Variants in UNK observed in about 807,000 individuals in gnomAD.
UNK encodes the protein RING finger protein unkempt homolog.
In UNK, 32 loss-of-function variants were observed where a neutral mutation model predicts 97.6. That is an observed-to-expected ratio of 0.33 (90% CI 0.25 to 0.44). The LOEUF is 0.44. Ranked by LOEUF, UNK falls within the 20% of genes least tolerant of loss-of-function variation. The probability of loss-of-function intolerance (pLI) is 1.00; values close to 1 mark genes in which losing one functional copy is unlikely to be tolerated. For missense variants in UNK, 771 were observed against 1,098.4 expected, an observed-to-expected ratio of 0.70 and a Z score of 4.21; for synonymous variants, 441 against 461.2, an observed-to-expected ratio of 0.96 and a Z score of 0.56.
chr17:75,804,964 C>T (rs943960349), intron 1 of UNK, among the ~76,000 whole-genome samples: 3 of 151,934 alleles, frequency 2.0e-5, no homozygotes, highest in Non-Finnish European at 4.4e-5. Flanking sequence ...GAGGCTAAGG[C>T]GGGTGGATCA....
intron 2 of UNK, 25 bp downstream of exon 2, chr17:75,809,994 A>T (rs575958046): frequency 1.6e-5 from 26 of 1,611,696 alleles, no homozygotes; most frequent in Admixed American, 5.0e-5. Context: ...CTGTCCTCAG[A>T]GGAGCCCCGT....
intron 1 of UNK, among the ~76,000 whole-genome samples, chr17:75,792,886 G>T (rs754408602): frequency 6.6e-5 from 10 of 152,214 alleles, no homozygotes; most frequent in Non-Finnish European, 1.3e-4. Context: ...CATAGAGAGG[G>T]CTTCAAGCGC....
At chr17:75,803,693 C>G (rs1423131982) in intron 1 of UNK, among the ~76,000 whole-genome samples, 4 of 152,194 alleles carry the variant, frequency 2.6e-5, no homozygotes, top group Admixed American at 6.5e-5. Context: ...TGTGAATCAT[C>G]ATCAGTTCCA....
At chr17:75,794,731 G>T (rs897556227) in intron 1 of UNK, among the ~76,000 whole-genome samples, 30 of 152,094 alleles carry the variant, frequency 2.0e-4, no homozygotes, top group African/African-American at 7.2e-4. Flanking sequence ...GCCCAGCTCT[G>T]TCAGTTACTA....
At chr17:75,813,730 C>T (rs1389699374) in intron 5 of UNK, 31 bp from the exon 6 acceptor site, 1 of 1,541,084 alleles carries the variant, frequency 6.5e-7, no homozygotes, top group Admixed American at 2.0e-5. Flanking sequence ...CTTCTCCTTT[C>T]TCCATCTGAC....
intron 1 of UNK, 118 bp from the exon 2 acceptor site, chr17:75,809,642 A>T: frequency 9.1e-7 from 1 of 1,097,572 alleles, no homozygotes; most frequent in Non-Finnish European, 1.3e-6. Context: ...CTGGTGTTCC[A>T]GTGGAACTAG....
intron 1 of UNK, among the ~76,000 whole-genome samples, chr17:75,789,939 G>A (rs942385450): frequency 4.6e-5 from 7 of 151,794 alleles, no homozygotes; most frequent in South Asian, 2.1e-4. Flanking sequence ...TCAGGAGTTC[G>A]AGACCAGCCT....
Position 75,809,796 on chromosome 17 carries a change from C to G in UNK, c.141C>G (p.Leu47=). Residue 47 remains leucine, a synonymous_variant, in exon 2 of 16, where the codon CTC becomes CTG. Transcript: ENST00000589666. ...LKEFRTEQCP[L]FVQHKCTQHR... The stretch of plus-strand genomic sequence containing the variant: ...AATTCCGCACAGAGCAGTGCCCACT[C>G]TTTGTGCAACACAAATGCACGCAGC... The G allele has an allele frequency of 6.2e-7, 1 of 1,613,052 alleles. No homozygotes were observed. Among genetic ancestry groups the G allele is most frequent in the Non-Finnish European group, 8.5e-7 (1 of 1,179,522 alleles).
In UNK at chr17:75,824,449, C is replaced by A; in HGVS notation, c.*32C>A. On this transcript the variant is annotated 3_prime_UTR_variant, in exon 16 of 16. Coordinates refer to ENST00000589666, the MANE Select transcript of UNK (RefSeq NM_001080419.3). The surrounding 1 kb of genome is among the most constrained non-coding windows in gnomAD (Gnocchi z 4.9). ...AGGCCTGGCCCAGCCTGGCCCAGATCTTCTCACCTAGGACTTTTTAAAGTA... is the reference window on the plus strand; with the variant it reads ...AGGCCTGGCCCAGCCTGGCCCAGATATTCTCACCTAGGACTTTTTAAAGTA... 1 of 1,408,634 alleles carries A rather than the reference C, an allele frequency of 7.1e-7. No homozygotes were observed. The highest frequency in any genetic ancestry group is 9.2e-7 in the Non-Finnish European group (1 of 1,082,882). The allele number at this position is 1,408,634 out of a possible 1,614,324, so 87.3% of individuals were successfully genotyped here.
At chr17:75,803,751 G>A (rs536032897) in intron 1 of UNK, among the ~76,000 whole-genome samples, 119 of 152,286 alleles carry the variant, frequency 7.8e-4, no homozygotes, top group Middle Eastern at 3.4e-3. Flanking sequence ...GTGCCCTGCC[G>A]CGCAGTAGTT....
Position 75,818,226 on chromosome 17 carries a change from C to A in UNK, c.1371+58C>A. 6.3e-7 allele frequency: 1 copy of A among 1,595,134 alleles called. No homozygotes were observed. The highest frequency in any genetic ancestry group is 8.6e-7 in the Non-Finnish European group (1 of 1,166,136). ...GCTGTGGACAGGAGTGGCCCAGAAC[C>A]CCAGGAGGCTTCGGGGAGTGGGAGG... On this transcript the variant is annotated intron_variant, in intron 10 of 15. Transcript: ENST00000589666. This position sits in a 1 kb window ranked among gnomAD's most constrained non-coding sequence, Gnocchi z 5.1.
chr17:75,798,755 C>T (rs1014974368), intron 1 of UNK, among the ~76,000 whole-genome samples: 2 of 152,078 alleles, frequency 1.3e-5, no homozygotes, highest in African/African-American at 4.8e-5. Context: ...CCTGTAATCC[C>T]AGCACTTTGA....
chr17:75,824,386 A>G lies in UNK; in HGVS notation c.2402A>G (p.Gln801Arg), dbSNP rs575900350. 2.6e-6 allele frequency: 4 copies of G among 1,567,042 alleles called. No homozygotes were observed. Among genetic ancestry groups the G allele is most frequent in the Non-Finnish European group, 3.4e-6 (4 of 1,160,488 alleles). ...CAEGSECPIC[Q>R]PGRAHTLQS ...GAGGGCAGCGAGTGCCCCATCTGCC[A>G]GCCTGGCCGGGCCCACACCCTCCAG... Residue 801 changes from glutamine to arginine, a missense_variant, in exon 16 of 16, where the codon CAG becomes CGG. By Grantham distance (43) the Gln-to-Arg change is conservative (BLOSUM62 1). Coordinates refer to ENST00000589666, the MANE Select transcript of UNK (RefSeq NM_001080419.3). The surrounding 1 kb of genome is among the most constrained non-coding windows in gnomAD (Gnocchi z 4.9).
chr17:75,808,809 C>G (rs2143765432), intron 1 of UNK: 2 of 152,318 alleles, frequency 1.3e-5, no homozygotes. Flanking sequence ...GCAGGGGAGC[C>G]CAGTCTAGGA....
At chr17:75,801,846 C>A (rs1005986561) in intron 1 of UNK, among the ~76,000 whole-genome samples, 1 of 149,960 alleles carries the variant, frequency 6.7e-6, no homozygotes, top group Non-Finnish European at 1.5e-5. Flanking sequence ...CCCGGCTCCC[C>A]CCAGCCTTTT....
Position 75,824,152 on chromosome 17 carries a change from G to A in UNK, c.2278-110G>A, listed in dbSNP as rs1163442647. On this transcript the variant is annotated intron_variant, in intron 15 of 15. Coordinates refer to ENST00000589666, the MANE Select transcript of UNK (RefSeq NM_001080419.3). This position sits in a 1 kb window ranked among gnomAD's most constrained non-coding sequence, Gnocchi z 4.9. ...GGTCTGGGAGCACACTGTTGAGCTC[G>A]GTACCTCAGTTTTCCCATCCCAAGG... 2.2e-5 allele frequency: 29 copies of A among 1,324,536 alleles called. 1 individual carries two copies. Among genetic ancestry groups the A allele is most frequent in the Non-Finnish European group, 2.9e-5 (29 of 1,006,004 alleles). 82.0% of individuals were successfully genotyped at this position (1,324,536 alleles called of 1,614,324 possible). A position where few individuals can be genotyped will look rare whatever the true frequency, so the allele number is the denominator to read the frequency against.
intron 1 of UNK, among the ~76,000 whole-genome samples, chr17:75,807,699 C>T (rs1185048861): frequency 6.6e-6 from 1 of 152,118 alleles, no homozygotes; most frequent in East Asian, 1.9e-4. Context: ...GTGATCTGCC[C>T]GTCTTAGCCT....
rs1192429416 is a variant in UNK, at chr17:75,818,727, CT to C, written c.1458del (p.Ser487AlafsTer11). 10 of 1,613,368 alleles carry C rather than the reference CT, an allele frequency of 6.2e-6. No homozygotes were observed. The highest frequency in any genetic ancestry group is 1.7e-4 in the Middle Eastern group (1 of 6,056). On this transcript the variant is annotated frameshift_variant, in exon 11 of 16. Transcript: ENST00000589666. LOFTEE classifies it high-confidence loss of function. This position sits in a 1 kb window ranked among gnomAD's most constrained non-coding sequence, Gnocchi z 5.1. ...ACCTCCAGCCTGGCAGCTACCCCCC[CT>C]AGCCCAGTGGGCACCAGCAGCGTCC... ...SITSSLAATP[P>X]SPVGTSSVPG... is the part of the protein sequence containing the mutation.
At chr17:75,821,465 G>T (rs1400705932) in intron 13 of UNK, 5 of 443,070 alleles carry the variant, frequency 1.1e-5, no homozygotes, top group Non-Finnish European at 2.3e-5. Context: ...TGGGACAGGA[G>T]AGCTTGCTGC....
Sources: gnomAD v4.1 joint callset for allele counts (sites outside exome capture counted in the v4.1 genomes callset) on GRCh38, gnomAD v4.1.1 for gene constraint, Gnocchi (gnomAD v3.1) non-coding constraint, MANE v1.5 for transcripts, NCBI Gene and HGNC (gene_info 2026-07-23, HGNC 2026-07-21) for gene names.